The following SHLD1 variants were observed in gnomAD, a reference collection of about 807,000 sequenced individuals.
SHLD1 encodes RINN1-REV7-interacting novel NHEJ regulator 3.
In SHLD1, 3 loss-of-function variants were observed where a neutral mutation model predicts 5.5. That is an observed-to-expected ratio of 0.54 (90% confidence interval 0.25 to 1.40). The LOEUF (loss-of-function observed/expected upper bound fraction) is 1.40, where lower values mean the gene tolerates loss of function less well. Among genes scored for constraint, SHLD1 ranks in the 40% most tolerant of loss-of-function variants. SHLD1 has a pLI of 0.15. For missense variants in SHLD1, 210 were observed against 244.4 expected, an observed-to-expected ratio of 0.86 and a Z score of 0.94; for synonymous variants, 92 against 94.3, an observed-to-expected ratio of 0.98 and a Z score of 0.14.
At chr20:5,780,470 C>T (rs1250134785) in intron 2 of SHLD1, among the ~76,000 whole-genome samples, 10 of 152,126 alleles carry the variant, frequency 6.6e-5, no homozygotes, top group African/African-American at 2.4e-4. Flanking sequence ...GTGCAGGTGC[C>T]TTCTCAGTGA....
At chr20:5,797,215 A>G (rs1215893371) in intron 2 of SHLD1, among the ~76,000 whole-genome samples, 1 of 152,108 alleles carries the variant, frequency 6.6e-6, no homozygotes, top group Non-Finnish European at 1.5e-5. Flanking sequence ...GGGAGAGGGG[A>G]GCAAGGGAGT....
intron 2 of SHLD1, among the ~76,000 whole-genome samples, chr20:5,810,723 T>C (rs1263631794): frequency 1.3e-5 from 2 of 150,728 alleles, no homozygotes; most frequent in Non-Finnish European, 2.9e-5. Flanking sequence ...GGTGAAACCA[T>C]GTCTCCACAA....
At chr20:5,804,793 G>A (rs1288852752) in intron 2 of SHLD1, among the ~76,000 whole-genome samples, 1 of 152,230 alleles carries the variant, frequency 6.6e-6, no homozygotes, top group Non-Finnish European at 1.5e-5. Context: ...AAAACTTGAA[G>A]TGTTTGAAGG....
chr20:5,859,501 G>T (rs1600187174), intron 2 of SHLD1, among the ~76,000 whole-genome samples: 1 of 152,282 alleles, frequency 6.6e-6, no homozygotes, highest in South Asian at 2.1e-4. Flanking sequence ...GAATAAGGTG[G>T]GGTTTGAACG....
chr20:5,804,032 C>T (rs775937568), intron 2 of SHLD1, among the ~76,000 whole-genome samples: 38 of 151,742 alleles, frequency 2.5e-4, no homozygotes, highest in Admixed American at 8.6e-4. Context: ...ACTGTATGGC[C>T]GGGCGCAGTG....
chr20:5,835,022 G>C (rs1308706767), intron 2 of SHLD1, among the ~76,000 whole-genome samples: 3 of 152,114 alleles, frequency 2.0e-5, no homozygotes, highest in African/African-American at 7.2e-5. Flanking sequence ...TATGAATAGG[G>C]GAACACATTC....
At chr20:5,825,099 A>T (rs1446981236) in intron 2 of SHLD1, among the ~76,000 whole-genome samples, 3 of 152,264 alleles carry the variant, frequency 2.0e-5, no homozygotes, top group Admixed American at 2.0e-4. Flanking sequence ...ATGGAACATC[A>T]TTCATTAACA....
At chr20:5,844,800 T>G (rs1368166232) in intron 2 of SHLD1, among the ~76,000 whole-genome samples, 3 of 70,178 alleles carry the variant, frequency 4.3e-5, no homozygotes, top group African/African-American at 2.3e-4. Flanking sequence ...TATATATATA[T>G]TTTTTTTTTT....
chr20:5,759,074 C>T (rs1464864507), intron 1 of SHLD1, among the ~76,000 whole-genome samples: 1 of 151,264 alleles, frequency 6.6e-6, no homozygotes, highest in Non-Finnish European at 1.5e-5. Context: ...CCTGCCTCAG[C>T]CTCCCAAGTA....
chr20:5,824,712 CA>C (rs1437040675), intron 2 of SHLD1, among the ~76,000 whole-genome samples: 1 of 151,696 alleles, frequency 6.6e-6, no homozygotes, highest in Non-Finnish European at 1.5e-5. Context: ...AAAATGTACC[CA>C]AGGAACAATT....
intron 2 of SHLD1, among the ~76,000 whole-genome samples, chr20:5,790,110 TC>T (rs2087117411): frequency 6.6e-6 from 1 of 152,084 alleles, no homozygotes; most frequent in Non-Finnish European, 1.5e-5. Flanking sequence ...GCCTCTTTGT[TC>T]CCCTGGGCCA....
At chr20:5,832,661 A>G (rs1347459914) in intron 2 of SHLD1, among the ~76,000 whole-genome samples, 6 of 152,002 alleles carry the variant, frequency 3.9e-5, no homozygotes, top group Non-Finnish European at 4.4e-5. Context: ...CAAATCACGA[A>G]AAAAAAGTAT....
At chr20:5,804,631 C>T (rs6038293) in intron 2 of SHLD1, among the ~76,000 whole-genome samples, 4,044 of 152,206 alleles carry the variant, frequency 0.027, 178 homozygotes, top group African/African-American at 0.092. Flanking sequence ...TGAAGGTGGC[C>T]GTCATTCATT....
intron 2 of SHLD1, among the ~76,000 whole-genome samples, chr20:5,813,957 T>C (rs1293423100): frequency 7.2e-6 from 1 of 138,400 alleles, no homozygotes; most frequent in Non-Finnish European, 1.6e-5. Flanking sequence ...TTTTTTTTTT[T>C]TTTTTTTTTT....
intron 1 of SHLD1, among the ~76,000 whole-genome samples, chr20:5,763,757 A>G (rs1984610868): frequency 6.6e-6 from 1 of 152,000 alleles, no homozygotes; most frequent in Admixed American, 6.6e-5. Flanking sequence ...ATAAACTTCT[A>G]AACTGATTGA....
At chr20:5,844,799 A>ATATATATATTTTTT (rs1460082835) in intron 2 of SHLD1, among the ~76,000 whole-genome samples, 3 of 71,720 alleles carry the variant, frequency 4.2e-5, no homozygotes, top group East Asian at 7.5e-4. Flanking sequence ...ATATATATAT[A>ATATATATATTTTTT]TTTTTTTTTT....
At chr20:5,789,541 C>T (rs1240759277) in intron 2 of SHLD1, among the ~76,000 whole-genome samples, 3 of 145,770 alleles carry the variant, frequency 2.1e-5, no homozygotes, top group African/African-American at 5.1e-5. Flanking sequence ...TGTGCCATTG[C>T]ACTCCAGCCT....
chr20:5,775,284 C>T (rs1985372944), intron 2 of SHLD1, among the ~76,000 whole-genome samples: 1 of 151,944 alleles, frequency 6.6e-6, no homozygotes, highest in African/African-American at 2.4e-5. Context: ...CTCAAGTGAT[C>T]CTCCCACCAT....
At chr20:5,816,364 C>T (rs991709153) in intron 2 of SHLD1, among the ~76,000 whole-genome samples, 2 of 152,126 alleles carry the variant, frequency 1.3e-5, no homozygotes, top group Non-Finnish European at 2.9e-5. Context: ...TAGTAAAGTT[C>T]TACTGCGTAT....
Sources: gnomAD v4.1 joint callset for allele counts (sites outside exome capture counted in the v4.1 genomes callset) on GRCh38, gnomAD v4.1.1 for gene constraint, MANE v1.5 for transcripts, NCBI Gene and HGNC (gene_info 2026-07-23, HGNC 2026-07-21) for gene names.